The following ANKRD13D variants were observed in gnomAD, a reference collection of about 807,000 sequenced individuals.
ANKRD13D encodes ankyrin repeat domain 13D.
Under a neutral mutation model 68.8 loss-of-function variants are expected in ANKRD13D, and 24 were observed. That is an observed-to-expected ratio of 0.35 (90% CI 0.25 to 0.49). The LOEUF is 0.49. Among genes scored for constraint, ANKRD13D ranks in the 20% least tolerant of loss-of-function variants. ANKRD13D has a pLI of 0.99. For missense variants in ANKRD13D, 735 were observed against 832.1 expected (o/e 0.88, Z 1.44); for synonymous variants, 331 against 336.1 (o/e 0.98, Z 0.16).
intron 6 of ANKRD13D, among the ~76,000 whole-genome samples, chr11:67,292,512 C>T (rs1860605909): frequency 6.6e-6 from 1 of 152,034 alleles, no homozygotes; most frequent in South Asian, 2.1e-4. Context: ...ATTGGTGCGG[C>T]TGTGTTGGGG....
At position 67,291,904 on chromosome 11, in the gene ANKRD13D, T is replaced by C. The variant is rs532012832; in HGVS notation, c.542-87T>C. ...CAAGACTGACCCACTTGGCAGCAGGTGGCTGAGGGTACATGATCGCCCTCT... is the reference window on the plus strand; with the variant it reads ...CAAGACTGACCCACTTGGCAGCAGGCGGCTGAGGGTACATGATCGCCCTCT... On this transcript the variant is annotated intron_variant, in intron 5 of 14. Coordinates refer to ENST00000511455, the MANE Select transcript of ANKRD13D (RefSeq NM_207354.3). The C allele has an allele frequency of 3.2e-5, 48 of 1,509,570 alleles. No individual in the cohort carries two copies. The South Asian group carries it at 6.2e-4, about 19-fold the overall frequency. 93.5% of individuals were successfully genotyped at this position (1,509,570 alleles called of 1,614,324 possible). A position where few individuals can be genotyped will look rare whatever the true frequency, so the allele number is the denominator to read the frequency against.
chr11:67,294,787 G>T (rs1186001451), intron 6 of ANKRD13D, among the ~76,000 whole-genome samples: 2 of 151,996 alleles, frequency 1.3e-5, no homozygotes, highest in African/African-American at 4.8e-5. Flanking sequence ...TGGGATTACA[G>T]GTGTGAGCCA....
intron 1 of ANKRD13D, 165 bp from the exon 2 acceptor site, chr11:67,289,913 G>A: frequency 6.9e-7 from 1 of 1,439,230 alleles, no homozygotes; most frequent in Non-Finnish European, 9.1e-7. Flanking sequence ...CTTCCCTCCT[G>A]CCCCCTCCTC....
chr11:67,302,352 T>C lies in ANKRD13D; in HGVS notation c.*20T>C. 7 of 1,477,460 alleles carry C rather than the reference T, an allele frequency of 4.7e-6. No individual in the cohort carries two copies. The highest frequency in any genetic ancestry group is 6.3e-6 in the Non-Finnish European group (7 of 1,106,396). The allele number at this position is 1,477,460 out of a possible 1,614,324, so 91.5% of individuals were successfully genotyped here. A position where few individuals can be genotyped will look rare whatever the true frequency, so the allele number is the denominator to read the frequency against. On this transcript the variant is annotated 3_prime_UTR_variant, in exon 15 of 15. Transcript: ENST00000511455. ...CACTGAGCCATAGCCCCGGGAGGGC[T>C]GGCCAGGCCACTCCCTGCCCGCTTT... is the stretch of plus-strand genomic sequence containing the variant.
At position 67,301,830 on chromosome 11, in the gene ANKRD13D, C is replaced by A; in HGVS notation, c.1604+7C>A. On this transcript the variant is annotated splice_region_variant and intron_variant, in intron 14 of 14. Coordinates refer to ENST00000511455, the MANE Select transcript of ANKRD13D (RefSeq NM_207354.3). This position sits in a 1 kb window ranked among gnomAD's most constrained non-coding sequence, Gnocchi z 4.5. The stretch of plus-strand genomic sequence containing the variant: ...AACAGCTTCAGCTGGAGCGGTGAGC[C>A]CCTCATGGGGCTGGCTGGGTCCCTG... 6 of 1,585,134 alleles carry A rather than the reference C, an allele frequency of 3.8e-6. No homozygotes were observed. Among genetic ancestry groups the A allele is most frequent in the Non-Finnish European group, 5.1e-6 (6 of 1,166,040 alleles).
intron 3 of ANKRD13D, 174 bp from the exon 4 acceptor site, chr11:67,291,302 G>A: frequency 1.5e-6 from 1 of 687,874 alleles, no homozygotes; most frequent in South Asian, 2.0e-5. Context: ...AGGTTGCAGT[G>A]AGCCGAGATT....
chr11:67,291,317 C>G (rs543848729), intron 3 of ANKRD13D, 159 bp from the exon 4 acceptor site: 40 of 787,256 alleles, frequency 5.1e-5, no homozygotes, highest in Middle Eastern at 3.7e-4. Flanking sequence ...GAGATTGCAC[C>G]ACTACACTCC....
At position 67,300,917 on chromosome 11, in the gene ANKRD13D, C is replaced by T. The variant is rs751859751; in HGVS notation, c.1074-73C>T. Reference sequence around the variant, plus strand: ...GAAGGTGGGTAAAGGCAGCTGCCCACGAACCAGAGGGCAGTCCTCAATGGA... The same window carrying T: ...GAAGGTGGGTAAAGGCAGCTGCCCATGAACCAGAGGGCAGTCCTCAATGGA... On this transcript the variant is annotated intron_variant, in intron 10 of 14. Coordinates refer to ENST00000511455, the MANE Select transcript of ANKRD13D (RefSeq NM_207354.3). The surrounding 1 kb of genome is among the most constrained non-coding windows in gnomAD (Gnocchi z 4.3). 29 of 1,566,752 alleles carry T rather than the reference C, an allele frequency of 1.9e-5. No homozygotes were observed. The highest frequency in any genetic ancestry group is 2.3e-5 in the East Asian group (1 of 43,932).
In ANKRD13D at chr11:67,301,358, C is replaced by T. The variant is rs920885398; in HGVS notation, c.1308C>T (p.Ser436=). 6 of 1,613,378 alleles carry T rather than the reference C, an allele frequency of 3.7e-6. No homozygotes were observed. The highest frequency in any genetic ancestry group is 4.2e-6 in the Non-Finnish European group (5 of 1,179,792). The change falls in exon 12 of 15, where the codon TCC becomes TCT. Residue 436 remains serine, a synonymous_variant. Transcript: ENST00000511455. This position sits in a 1 kb window ranked among gnomAD's most constrained non-coding sequence, Gnocchi z 4.5. ...GTGGCTGTGATGAGCCCCTGAGCTCCGTGTGGGTGCCGGCCCCCAGCTCTG... is the reference window on the plus strand; with the variant it reads ...GTGGCTGTGATGAGCCCCTGAGCTCTGTGTGGGTGCCGGCCCCCAGCTCTG... The part of the protein sequence containing the change: ...NLCGCDEPLS[S]VWVPAPSSAV...
At chr11:67,297,208 G>A (rs946026271) in intron 6 of ANKRD13D, among the ~76,000 whole-genome samples, 6 of 151,940 alleles carry the variant, frequency 3.9e-5, no homozygotes, top group African/African-American at 7.3e-5. Flanking sequence ...TATACTTCTA[G>A]GCATGTCTTT....
At chr11:67,290,756 T>C (rs936502927) in intron 3 of ANKRD13D, 34 of 321,352 alleles carry the variant, frequency 1.1e-4, no homozygotes, top group African/African-American at 7.1e-4. Context: ...CTGGAATACT[T>C]GCTACTACGC....
intron 5 of ANKRD13D, 84 bp from the exon 6 acceptor site, chr11:67,291,907 C>CT: frequency 6.6e-7 from 1 of 1,512,960 alleles, no homozygotes; most frequent in Non-Finnish European, 8.8e-7. Flanking sequence ...CAGCAGGTGG[C>CT]TGAGGGTACA....
rs1419226306 is a variant in ANKRD13D at position 67,289,420 on chromosome 11, C to A, written c.-41C>A. On this transcript the variant is annotated 5_prime_UTR_variant, in exon 1 of 15. Coordinates refer to ENST00000511455, the MANE Select transcript of ANKRD13D (RefSeq NM_207354.3). ...GGAGGCTAGGGGGCCGTGCCAGGCC[C>A]GAAGCCGAGGCGGGGCCGGGATGCG... is the stretch of plus-strand genomic sequence containing the variant. 1 of 1,397,740 alleles carries A rather than the reference C, an allele frequency of 7.2e-7. No individual in the cohort carries two copies. The highest frequency in any genetic ancestry group is 9.3e-7 in the Non-Finnish European group (1 of 1,080,348). The allele number at this position is 1,397,740 out of a possible 1,614,324, so 86.6% of individuals were successfully genotyped here. A position where few individuals can be genotyped will look rare whatever the true frequency, so the allele number is the denominator to read the frequency against.
chr11:67,294,426 A>G (rs1442372193), intron 6 of ANKRD13D, among the ~76,000 whole-genome samples: 1 of 151,998 alleles, frequency 6.6e-6, no homozygotes, highest in Non-Finnish European at 1.5e-5. Context: ...TTTTCCATTT[A>G]TTTGGATCTT....
intron 3 of ANKRD13D, chr11:67,291,213 T>C (rs554993436): frequency 1.2e-4 from 55 of 460,024 alleles, no homozygotes; most frequent in Middle Eastern, 5.8e-4. Context: ...AAAAATTAGC[T>C]GGGAGTGGTG....
rs2136517094 is a variant in ANKRD13D, at chr11:67,290,108, C to T, written c.121C>T (p.Arg41Trp). The T allele has an allele frequency of 6.5e-7, 1 of 1,537,158 alleles. No individual in the cohort carries two copies. The highest frequency in any genetic ancestry group is 8.7e-7 in the Non-Finnish European group (1 of 1,146,886). The change falls in exon 2 of 15, where the codon CGG becomes TGG. Residue 41 changes from arginine to tryptophan, a missense_variant. By Grantham distance (101) the Arg-to-Trp change is moderately radical. Coordinates refer to ENST00000511455, the MANE Select transcript of ANKRD13D (RefSeq NM_207354.3). ...HDIEQEDPRG[R>W]TPLELAVSLG... ...CATTGAACAGGAGGACCCCCGCGGG[C>T]GGACCCCACTGGAGCTGGCCGTGTC...
chr11:67,301,489 G>T lies in ANKRD13D; in HGVS notation c.1350G>T (p.Gly450=), dbSNP rs1224707159. Residue 450 remains glycine, a splice_region_variant and synonymous_variant, in exon 13 of 15, where the codon GGG becomes GGT. Coordinates refer to ENST00000511455, the MANE Select transcript of ANKRD13D (RefSeq NM_207354.3). The surrounding 1 kb of genome is among the most constrained non-coding windows in gnomAD (Gnocchi z 4.5). ...GTGGCCCCTCTGCCACCTGCCTAGGGAACCCTTTCCCGTGCGAGGTGGACC... is the reference window on the plus strand; with the variant it reads ...GTGGCCCCTCTGCCACCTGCCTAGGTAACCCTTTCCCGTGCGAGGTGGACC... ...PAPSSAVAAS[G]NPFPCEVDPT... is the part of the protein sequence containing the mutation. 6.2e-7 allele frequency: 1 copy of T among 1,612,210 alleles called. No individual in the cohort carries two copies. The highest frequency in any genetic ancestry group is 8.5e-7 in the Non-Finnish European group (1 of 1,179,388).
At chr11:67,296,009 C>G (rs1254475276) in intron 6 of ANKRD13D, among the ~76,000 whole-genome samples, 1 of 152,240 alleles carries the variant, frequency 6.6e-6, no homozygotes, top group South Asian at 2.1e-4. Flanking sequence ...TTAAAAAATT[C>G]TATTGATACA....
In ANKRD13D at chr11:67,301,099, C is replaced by A; in HGVS notation, c.1183C>A (p.Arg395Ser). ...CAGCAACGCTCACTTTGCCAAGCTGCGCGACTTCATCACTCTGCGCCTTCC... is the reference window on the plus strand; with the variant it reads ...CAGCAACGCTCACTTTGCCAAGCTGAGCGACTTCATCACTCTGCGCCTTCC... ...AISNAHFAKL[R>S]DFITLRLPPG... The change falls in exon 11 of 15, where the codon CGC becomes AGC. Residue 395 changes from arginine to serine, a missense_variant. Arg to Ser is a moderately radical substitution (Grantham distance 110). Coordinates refer to ENST00000511455, the MANE Select transcript of ANKRD13D (RefSeq NM_207354.3). The surrounding 1 kb of genome is among the most constrained non-coding windows in gnomAD (Gnocchi z 4.5). 6.2e-7 allele frequency: 1 copy of A among 1,614,048 alleles called. No individual in the cohort carries two copies. Among genetic ancestry groups the A allele is most frequent in the Non-Finnish European group, 8.5e-7 (1 of 1,180,014 alleles).
Sources: gnomAD v4.1 joint callset for allele counts (sites outside exome capture counted in the v4.1 genomes callset) on GRCh38, gnomAD v4.1.1 for gene constraint, Gnocchi (gnomAD v3.1) non-coding constraint, MANE v1.5 for transcripts, NCBI Gene and HGNC (gene_info 2026-07-23, HGNC 2026-07-21) for gene names.